SCAPER: variants seen among roughly 807,000 people sequenced by gnomAD.
The protein encoded by SCAPER is S phase cyclin A-associated protein in the endoplasmic reticulum.
SCAPER carries 98 observed loss-of-function variants against 182.2 expected under a neutral mutation model. That is an observed-to-expected ratio of 0.54 (90% CI 0.46 to 0.64). The LOEUF (loss-of-function observed/expected upper bound fraction) is 0.64, where lower values mean the gene tolerates loss of function less well. Ranked by LOEUF, SCAPER falls within the 30% of genes least tolerant of loss-of-function variation. The pLI, the probability that SCAPER is intolerant of heterozygous loss-of-function variation, is 0.00. For missense variants in SCAPER, 1,432 were observed against 1,690.0 expected (o/e 0.85, Z 2.68); for synonymous variants, 605 against 564.6 (o/e 1.07, Z -1.01).
intron 24 of SCAPER, among the ~76,000 whole-genome samples, chr15:76,473,817 T>A (rs1183722696): frequency 1.3e-5 from 2 of 152,078 alleles, no homozygotes; most frequent in Non-Finnish European, 1.5e-5. Flanking sequence ...TATTATTATT[T>A]TTTGAGACAG....
chr15:76,530,741 C>T (rs1159556887), intron 23 of SCAPER, among the ~76,000 whole-genome samples: 2 of 151,984 alleles, frequency 1.3e-5, no homozygotes, highest in Non-Finnish European at 2.9e-5. Context: ...TAATTATGTA[C>T]AGCACCATGG....
rs186393552 is a variant in SCAPER, at chr15:76,808,477, C to A, written c.394-3844G>T. Among the ~76,000 whole-genome samples the A allele has an allele frequency of 9.2e-5, 14 of 152,302 alleles. No individual in the cohort carries two copies. In the South Asian group the frequency reaches 1.5e-3, roughly 16 times the overall value. ...GATGAGGCTCTGCATCTGTGAATCTCGCTAAACTATAAAGAGCAAAGAGCT... is the reference window on the plus strand; with the variant it reads ...GATGAGGCTCTGCATCTGTGAATCTAGCTAAACTATAAAGAGCAAAGAGCT... On this transcript the variant is annotated intron_variant, in intron 5 of 31. Coordinates refer to ENST00000563290, the MANE Select transcript of SCAPER (RefSeq NM_020843.4).
intron 2 of SCAPER, among the ~76,000 whole-genome samples, chr15:76,870,803 A>G (rs2072666166): frequency 6.6e-6 from 1 of 152,168 alleles, no homozygotes; most frequent in Admixed American, 6.5e-5. Context: ...ATTAGAGCAC[A>G]TAAAGGCTGA....
intron 21 of SCAPER, among the ~76,000 whole-genome samples, chr15:76,638,267 TTATC>T (rs1188403964): frequency 7.2e-5 from 11 of 152,160 alleles, no homozygotes; most frequent in Non-Finnish European, 1.0e-4. Flanking sequence ...GCTGTTTTCT[TTATC>T]TAAGTTGCTC....
intron 25 of SCAPER, among the ~76,000 whole-genome samples, chr15:76,440,618 G>T (rs1432687733): frequency 2.0e-5 from 3 of 152,104 alleles, no homozygotes; most frequent in East Asian, 3.8e-4. Flanking sequence ...TCAAGACAGT[G>T]TCAGAGTACA....
At chr15:76,382,377 T>C (rs1003213076) in intron 27 of SCAPER, among the ~76,000 whole-genome samples, 1 of 151,562 alleles carries the variant, frequency 6.6e-6, no homozygotes, top group African/African-American at 2.4e-5. Flanking sequence ...TTTTTTTTTT[T>C]TAATTTTTCC....
rs548428834 is a variant in SCAPER, at chr15:76,748,280, G to A, written c.1866+5528C>T. Among the ~76,000 whole-genome samples the A allele has an allele frequency of 1.6e-3, 250 of 152,116 alleles. 2 individuals carry two copies. The highest frequency in any genetic ancestry group is 2.5e-3 in the Non-Finnish European group (171 of 67,992). ...GCTGGGATTACAGGCGTGAGCCACC[G>A]CGCCTGGCCGAAATATGGATATTCT... On this transcript the variant is annotated intron_variant, in intron 15 of 31. Transcript: ENST00000563290.
chr15:76,505,526 A>G (rs1215871753), intron 23 of SCAPER, among the ~76,000 whole-genome samples: 1 of 152,212 alleles, frequency 6.6e-6, no homozygotes, highest in Non-Finnish European at 1.5e-5. Context: ...AGAAAAATGC[A>G]AATCAAAACT....
rs1468112773 is a variant in SCAPER, at chr15:76,389,528, A to G, written c.3468-7913T>C. ...AAAAAAAAAAAAAAAAAAAAAAAAAAAAAGGCCGGGCGCGGTGGCTCACAC... is the reference window on the plus strand; with the variant it reads ...AAAAAAAAAAAAAAAAAAAAAAAAAGAAAGGCCGGGCGCGGTGGCTCACAC... On this transcript the variant is annotated intron_variant, in intron 27 of 31. Coordinates refer to ENST00000563290, the MANE Select transcript of SCAPER (RefSeq NM_020843.4). 3.1e-3 allele frequency among the ~76,000 whole-genome samples: 347 copies of G among 111,386 alleles called. 2 individuals carry two copies. Among genetic ancestry groups the G allele is most frequent in the African/African-American group, 0.01 (338 of 32,202 alleles). The allele number at this position is 111,386 out of a possible 152,430, so 73.1% of individuals were successfully genotyped here.
intron 22 of SCAPER, among the ~76,000 whole-genome samples, chr15:76,617,561 C>G (rs1297713123): frequency 1.3e-5 from 2 of 152,166 alleles, no homozygotes; most frequent in Admixed American, 1.3e-4. Flanking sequence ...GCCTTAATCC[C>G]TTGCCTAGGG....
At chr15:76,726,156 A>AAT (rs1555555850) in intron 17 of SCAPER, among the ~76,000 whole-genome samples, 1 of 79,722 alleles carries the variant, frequency 1.3e-5, no homozygotes, top group African/African-American at 5.2e-5. Flanking sequence ...TATATATATA[A>AAT]AAAACTCTAT....
intron 22 of SCAPER, among the ~76,000 whole-genome samples, chr15:76,598,301 C>T (rs1183118124): frequency 1.6e-5 from 2 of 121,230 alleles, no homozygotes; most frequent in African/African-American, 5.0e-5. Flanking sequence ...CAGGAAACAA[C>T]GAATGCTAGA....
intron 30 of SCAPER, 43 bp from the exon 31 acceptor site, chr15:76,351,331 CA>C: frequency 6.5e-7 from 1 of 1,544,028 alleles, no homozygotes; most frequent in Non-Finnish European, 8.8e-7. Context: ...ATGCTATGAA[CA>C]GAGAATTTCA....
intron 5 of SCAPER, among the ~76,000 whole-genome samples, chr15:76,841,387 C>T (rs1426582848): frequency 2.0e-5 from 3 of 152,100 alleles, no homozygotes; most frequent in Non-Finnish European, 2.9e-5. Flanking sequence ...TGGCTCATGC[C>T]TATAATCACA....
rs181438416 is a variant in SCAPER, at chr15:76,381,699, C to T, written c.3468-84G>A. The T allele has an allele frequency of 2.7e-4, 297 of 1,105,308 alleles. 4 individuals carry two copies. The Admixed American group carries it at 6.6e-3, about 24-fold the overall frequency. 68.5% of individuals were successfully genotyped at this position (1,105,308 alleles called of 1,614,324 possible). A position where few individuals can be genotyped will look rare whatever the true frequency, so the allele number is the denominator to read the frequency against. ...TATAGGTTAAATGAAACAAGACAAGCAGACCGTTAAAAACAAACCATCTGA... is the reference window on the plus strand; with the variant it reads ...TATAGGTTAAATGAAACAAGACAAGTAGACCGTTAAAAACAAACCATCTGA... On this transcript the variant is annotated intron_variant, in intron 27 of 31. Coordinates refer to ENST00000563290, the MANE Select transcript of SCAPER (RefSeq NM_020843.4).
chr15:76,356,777 C>G (rs984904959), intron 29 of SCAPER, among the ~76,000 whole-genome samples: 1 of 152,196 alleles, frequency 6.6e-6, no homozygotes, highest in Non-Finnish European at 1.5e-5. Flanking sequence ...TTCCAGAGCA[C>G]TGCACCAACG....
chr15:76,662,037 T>C (rs1393405237), intron 21 of SCAPER, among the ~76,000 whole-genome samples: 6 of 152,178 alleles, frequency 3.9e-5, no homozygotes, highest in African/African-American at 1.4e-4. Flanking sequence ...TGCAGGGACA[T>C]GGATGAAGCT....
At chr15:76,840,250 G>A (rs964465654) in intron 5 of SCAPER, among the ~76,000 whole-genome samples, 2 of 151,674 alleles carry the variant, frequency 1.3e-5, no homozygotes, top group African/African-American at 2.4e-5. Context: ...CATCCTCATC[G>A]CTACAAAAAT....
intron 5 of SCAPER, among the ~76,000 whole-genome samples, chr15:76,822,195 A>G (rs1250077856): frequency 1.3e-5 from 2 of 152,216 alleles, no homozygotes; most frequent in Non-Finnish European, 2.9e-5. Flanking sequence ...AGGCTCATCA[A>G]TTGTAACAAA....
Sources: allele counts gnomAD v4.1 joint callset (sites outside exome capture counted in the v4.1 genomes callset), GRCh38; gene constraint gnomAD v4.1.1; transcripts MANE v1.5; gene names NCBI Gene and HGNC (gene_info 2026-07-23, HGNC 2026-07-21).